TMEFF2: variants seen among roughly 807,000 people sequenced by gnomAD.
TMEFF2 encodes the protein transmembrane protein with EGF like and two follistatin like domains 2, also known as tomoregulin-2.
In TMEFF2, 28 loss-of-function variants were observed where a neutral mutation model predicts 53.8. That is an observed-to-expected ratio of 0.52 (90% confidence interval 0.39 to 0.71). TMEFF2 has a LOEUF of 0.71. Ranked by LOEUF, TMEFF2 falls within the 30% of genes least tolerant of loss-of-function variation. The pLI is 0.00. For synonymous variants in TMEFF2, 162 were observed against 166.3 expected (o/e 0.97, Z 0.20); for missense variants, 353 against 455.2 (o/e 0.78, Z 2.04).
chr2:192,043,358 CT>C (rs1687531696), intron 5 of TMEFF2, among the ~76,000 whole-genome samples: 1 of 152,160 alleles, frequency 6.6e-6, no homozygotes, highest in Non-Finnish European at 1.5e-5. Context: ...GTCAGGTCCC[CT>C]TGAGAAAGGG....
Position 191,980,339 on chromosome 2 carries a change from G to T in TMEFF2, c.745+17923C>A, listed in dbSNP as rs180919502. On this transcript the variant is annotated intron_variant, in intron 7 of 9. Coordinates refer to ENST00000272771, the MANE Select transcript of TMEFF2 (RefSeq NM_016192.4). ...TGAAGGGCAGGCCAGGAGACGATGA[G>T]GAAGCACATCTTTGTGAGCACAGAA... 2.0e-5 allele frequency among the ~76,000 whole-genome samples: 3 copies of T among 152,246 alleles called. No individual in the cohort carries two copies. In the East Asian group the frequency reaches 5.8e-4, roughly 29 times the overall value.
intron 5 of TMEFF2, among the ~76,000 whole-genome samples, chr2:192,002,519 T>G (rs1686390790): frequency 6.6e-6 from 1 of 152,044 alleles, no homozygotes; most frequent in African/African-American, 2.4e-5. Context: ...CTTCAAAGAT[T>G]TGCTAAAATG....
intron 8 of TMEFF2, 121 bp from the exon 9 acceptor site, chr2:191,953,958 G>C (rs571891245): frequency 3.6e-6 from 3 of 844,632 alleles, no homozygotes; most frequent in East Asian, 3.2e-5. Flanking sequence ...GGCGCATCTC[G>C]GCTCACTGCA....
At chr2:192,051,329 T>C (rs1286941399) in intron 5 of TMEFF2, among the ~76,000 whole-genome samples, 5 of 151,544 alleles carry the variant, frequency 3.3e-5, no homozygotes, top group Non-Finnish European at 4.4e-5. Context: ...CAAAGGAAAT[T>C]AATAAAAGGG....
At chr2:191,976,848 T>C (rs1364921324) in intron 7 of TMEFF2, among the ~76,000 whole-genome samples, 2 of 152,204 alleles carry the variant, frequency 1.3e-5, no homozygotes, top group African/African-American at 2.4e-5. Flanking sequence ...GATCACAGGC[T>C]TGGGAGTTTG....
intron 7 of TMEFF2, among the ~76,000 whole-genome samples, chr2:191,992,361 C>A (rs191628063): frequency 5.8e-4 from 88 of 152,168 alleles, no homozygotes; most frequent in African/African-American, 2.0e-3. Flanking sequence ...TGAATTAATT[C>A]ATTTTATAAA....
chr2:192,048,155 C>T lies in TMEFF2; in HGVS notation c.536+9524G>A, dbSNP rs140773661. Among the ~76,000 whole-genome samples the T allele has an allele frequency of 3.5e-3, 512 of 148,112 alleles. 2 individuals are homozygous for T. Among genetic ancestry groups the T allele is most frequent in the African/African-American group, 0.012 (469 of 40,248 alleles). Reference sequence around the variant, plus strand: ...CAAATGTTAGGACAGTACGCTCAAACGAATTTTTTTTTTTTAGAAGTGCTG... The same window carrying T: ...CAAATGTTAGGACAGTACGCTCAAATGAATTTTTTTTTTTTAGAAGTGCTG... On this transcript the variant is annotated intron_variant, in intron 5 of 9. Coordinates refer to ENST00000272771, the MANE Select transcript of TMEFF2 (RefSeq NM_016192.4).
At chr2:192,127,208 A>C (rs1290575726) in intron 4 of TMEFF2, among the ~76,000 whole-genome samples, 1 of 152,190 alleles carries the variant, frequency 6.6e-6, no homozygotes, top group Non-Finnish European at 1.5e-5. Context: ...AGATTCAATG[A>C]TTCTCTGTCA....
chr2:191,976,056 T>C (rs1685717826), intron 7 of TMEFF2, among the ~76,000 whole-genome samples: 1 of 152,226 alleles, frequency 6.6e-6, no homozygotes, highest in Non-Finnish European at 1.5e-5. Context: ...ATAATTGATA[T>C]GTTATCTAAG....
intron 7 of TMEFF2, among the ~76,000 whole-genome samples, chr2:191,997,091 C>T (rs1326248838): frequency 6.6e-6 from 1 of 151,942 alleles, no homozygotes; most frequent in Non-Finnish European, 1.5e-5. Flanking sequence ...TCCAAACTTA[C>T]AGATCACTGA....
At chr2:192,098,815 A>G (rs568371495) in intron 4 of TMEFF2, among the ~76,000 whole-genome samples, 1 of 152,330 alleles carries the variant, frequency 6.6e-6, no homozygotes, top group African/African-American at 2.4e-5. Flanking sequence ...ATGTGAGTGA[A>G]TACTACAAAA....
chr2:192,080,554 T>A (rs1688528356), intron 4 of TMEFF2, among the ~76,000 whole-genome samples: 1 of 152,220 alleles, frequency 6.6e-6, no homozygotes, highest in South Asian at 2.1e-4. Context: ...AGTATGAAAT[T>A]GGACTAATAG....
In TMEFF2 at chr2:192,193,761, T is replaced by TAGAGAGAG. The variant is rs530141565; in HGVS notation, c.172+584_172+591dup. 6.5e-3 allele frequency among the ~76,000 whole-genome samples: 310 copies of TAGAGAGAG among 47,706 alleles called. 4 individuals carry two copies. The highest frequency in any genetic ancestry group is 0.01 in the South Asian group (11 of 1,050). 31.3% of individuals were successfully genotyped at this position (47,706 alleles called of 152,430 possible). On this transcript the variant is annotated intron_variant, in intron 1 of 9. Coordinates refer to ENST00000272771, the MANE Select transcript of TMEFF2 (RefSeq NM_016192.4). ...TGAGAGAGAGAGAGAGATAGATAGA[T>TAGAGAGAG]AGAGAGAGAGAGAGAGAGAGAGAGA... is the stretch of plus-strand genomic sequence containing the variant.
At chr2:191,974,613 T>C (rs10204460) in intron 7 of TMEFF2, among the ~76,000 whole-genome samples, 2,726 of 152,278 alleles carry the variant, frequency 0.018, 77 homozygotes, top group African/African-American at 0.062. Context: ...CTTTTTACTA[T>C]GTATATATTT....
At chr2:192,057,241 G>A (rs2105902974) in intron 5 of TMEFF2, among the ~76,000 whole-genome samples, 1 of 151,910 alleles carries the variant, frequency 6.6e-6, no homozygotes, top group South Asian at 2.1e-4. Flanking sequence ...GGAGATGTGG[G>A]TCTCACTTTG....
At chr2:191,964,342 T>TTCTC (rs1559063316) in intron 7 of TMEFF2, among the ~76,000 whole-genome samples, 23 of 78,382 alleles carry the variant, frequency 2.9e-4, no homozygotes, top group African/African-American at 1.1e-3. Context: ...CCTTCTTTCT[T>TTCTC]TCTTTCTTTC....
intron 4 of TMEFF2, among the ~76,000 whole-genome samples, chr2:192,111,277 T>C (rs1230646091): frequency 6.6e-6 from 1 of 152,154 alleles, no homozygotes; most frequent in Non-Finnish European, 1.5e-5. Context: ...TGAATGGCTT[T>C]GATCAAAATG....
At chr2:191,960,414 TATTTC>T (rs1374514170) in intron 7 of TMEFF2, among the ~76,000 whole-genome samples, 8 of 152,224 alleles carry the variant, frequency 5.3e-5, no homozygotes, top group African/African-American at 1.9e-4. Flanking sequence ...ACAGTTAACA[TATTTC>T]ATTTCAGAGA....
In TMEFF2 at chr2:191,953,883, A is replaced by ATTTTTTTTTTTTTTTTTTTTTT. The variant is rs563154787; in HGVS notation, c.870-68_870-47dup. The ATTTTTTTTTTTTTTTTTTTTTT allele has an allele frequency of 3.7e-6, 2 of 536,030 alleles. 1 individual carries two copies. The highest frequency in any genetic ancestry group is 5.9e-5 in the African/African-American group (2 of 33,830). 33.2% of individuals were successfully genotyped at this position (536,030 alleles called of 1,614,324 possible). ...CAGTTACCTGTAGGGTGCTGCATTC[A>ATTTTTTTTTTTTTTTTTTTTTT]TTTTTTTTTTTTTTTTTTTTTTTTG... On this transcript the variant is annotated intron_variant, in intron 8 of 9. Coordinates refer to ENST00000272771, the MANE Select transcript of TMEFF2 (RefSeq NM_016192.4).
Sources: gnomAD v4.1 joint callset for allele counts (sites outside exome capture counted in the v4.1 genomes callset) on GRCh38, gnomAD v4.1.1 for gene constraint, MANE v1.5 for transcripts, NCBI Gene and HGNC (gene_info 2026-07-23, HGNC 2026-07-21) for gene names.